DMD: variants seen among roughly 807,000 people sequenced by gnomAD.
DMD encodes the protein dystrophin.
In DMD, 63 loss-of-function variants were observed where a neutral mutation model predicts 330.1. The ratio of observed to expected loss-of-function variants is 0.19; its 90% confidence interval spans 0.16 to 0.24. The LOEUF (loss-of-function observed/expected upper bound fraction) is 0.24, where lower values mean the gene tolerates loss of function less well. Ranked by LOEUF, DMD falls within the 10% of genes least tolerant of loss-of-function variation. DMD has a pLI of 1.00. For missense variants in DMD, 3,344 were observed against 2,684.1 expected (o/e 1.25, Z -5.43); for synonymous variants, 1,223 against 959.8 (o/e 1.27, Z -5.07).
intron 15 of DMD, among the ~76,000 whole-genome samples, chrX:32,566,361 T>C (rs1193512079): frequency 8.9e-6 from 1 of 112,186 alleles, no homozygotes; most frequent in African/African-American, 3.2e-5. Flanking sequence ...TCTGAAATGC[T>C]GTGATTATTT....
intron 2 of DMD, among the ~76,000 whole-genome samples, chrX:32,943,278 A>G (rs752449487): frequency 1.1e-4 from 12 of 111,911 alleles, no homozygotes; most frequent in Middle Eastern, 4.8e-3. Context: ...ACAAATTTAT[A>G]TTCATTAATA....
At position 32,292,302 on chromosome X, in the gene DMD, C is replaced by CTTTTTTTTTTTTTTTTTTTTTTTT; in HGVS notation, c.6118-4602_6118-4601insAAAAAAAAAAAAAAAAAAAAAAAA. Among the ~76,000 whole-genome samples the CTTTTTTTTTTTTTTTTTTTTTTTT allele has an allele frequency of 1.8e-3, 112 of 62,910 alleles. 27 individuals carry two copies. Among genetic ancestry groups the CTTTTTTTTTTTTTTTTTTTTTTTT allele is most frequent in the East Asian group, 5.5e-3 (8 of 1,466 alleles). 54.6% of individuals were successfully genotyped at this position (62,910 alleles called of 115,157 possible). On this transcript the variant is annotated intron_variant, in intron 42 of 78. Coordinates refer to ENST00000357033, the MANE Select transcript of DMD (RefSeq NM_004006.3). ...AACAAATATCAACAAAGGGAATATTCTTTTTTTTTTTTTTTTGAGATGGAG... is the reference window on the plus strand; with the variant it reads ...AACAAATATCAACAAAGGGAATATTCTTTTTTTTTTTTTTTTTTTTTTTTTTTTTTTTTTTTTTTTGAGATGGAG...
At chrX:32,710,138 A>T (rs1357094906) in intron 7 of DMD, among the ~76,000 whole-genome samples, 1 of 109,415 alleles carries the variant, frequency 9.1e-6, no homozygotes, top group African/African-American at 3.5e-5. Context: ...ATCAAGTATC[A>T]ATTATATACA....
At chrX:33,034,276 G>A (rs1369283354) in intron 1 of DMD, among the ~76,000 whole-genome samples, 1 of 111,383 alleles carries the variant, frequency 9.0e-6, no homozygotes, top group East Asian at 2.8e-4. Context: ...GAAGACATTC[G>A]AATTTTCTAA....
At position 32,472,277 on chromosome X, in the gene DMD, C is replaced by T; in HGVS notation, c.2836G>A (p.Glu946Lys). ...CATGTCCTGATGGCACTCATGGTCT[C>T]CTGATAGCGCATTGGTGGCAAAGTG... Reference protein sequence around the residue: ...FDTLPPMRYQETMSAIRTWVQ... With the variant: ...FDTLPPMRYQKTMSAIRTWVQ... The change falls in exon 22 of 79, where the codon GAG becomes AAG. Residue 946 changes from glutamate (E) to lysine (K), a missense_variant. Glu to Lys is a moderately conservative substitution (Grantham distance 56). Coordinates refer to ENST00000357033, the MANE Select transcript of DMD (RefSeq NM_004006.3). 1 of 1,210,701 alleles carries T rather than the reference C, an allele frequency of 8.3e-7. No individual in the cohort carries two copies. Among genetic ancestry groups the T allele is most frequent in the Non-Finnish European group, 1.1e-6 (1 of 895,099 alleles).
At chrX:32,826,953 C>A (rs767796737) in intron 4 of DMD, among the ~76,000 whole-genome samples, 46 of 108,770 alleles carry the variant, frequency 4.2e-4, no homozygotes, top group Non-Finnish European at 8.0e-4. Context: ...ATGGTATATA[C>A]AATTTTTTTT....
At chrX:32,436,064 G>T (rs956960604) in intron 29 of DMD, among the ~76,000 whole-genome samples, 3 of 111,812 alleles carry the variant, frequency 2.7e-5, no homozygotes, top group Non-Finnish European at 5.6e-5. Flanking sequence ...ACTAGCTTCA[G>T]CTCACTGGCT....
At chrX:32,835,921 A>T (rs896323229) in intron 4 of DMD, among the ~76,000 whole-genome samples, 2 of 111,549 alleles carry the variant, frequency 1.8e-5, no homozygotes, top group African/African-American at 6.5e-5. Context: ...TGATTTTTTT[A>T]AACCAGGGTT....
chrX:31,541,518 G>A (rs1012276576), intron 55 of DMD, among the ~76,000 whole-genome samples: 46 of 90,761 alleles, frequency 5.1e-4, no homozygotes, highest in African/African-American at 1.8e-3. Flanking sequence ...GCCCTGGTGT[G>A]TGATGTTCCC....
rs530910650 is a variant in DMD at position 31,802,311 on chromosome X, G to A, written c.7309+17664C>T. ...AGAAGAAATGAATGAGGAGAGATTA[G>A]GTTTGGATGACAGTATTATTTAACC... On this transcript the variant is annotated intron_variant, in intron 50 of 78. Coordinates refer to ENST00000357033, the MANE Select transcript of DMD (RefSeq NM_004006.3). Among the ~76,000 whole-genome samples the A allele has an allele frequency of 2.7e-5, 3 of 111,022 alleles. No homozygotes were observed. The South Asian group carries it at 1.2e-3, about 43-fold the overall frequency.
At chrX:31,894,156 C>A (rs1456146065) in intron 47 of DMD, among the ~76,000 whole-genome samples, 1 of 112,113 alleles carries the variant, frequency 8.9e-6, no homozygotes, top group Non-Finnish European at 1.9e-5. Context: ...TTCTTCACAG[C>A]AAGATAATGA....
chrX:31,494,036 A>C (rs771118763), intron 57 of DMD, among the ~76,000 whole-genome samples: 1 of 108,589 alleles, frequency 9.2e-6, no homozygotes, highest in East Asian at 2.9e-4. Flanking sequence ...GCGTGCCTGT[A>C]GTCCCAGCTA....
chrX:33,169,569 A>G (rs775819926), intron 1 of DMD, among the ~76,000 whole-genome samples: 4 of 111,959 alleles, frequency 3.6e-5, no homozygotes, highest in Non-Finnish European at 7.6e-5. Context: ...TAAATTTTGA[A>G]TTAATGTTCT....
chrX:32,740,222 C>T (rs12007891), intron 7 of DMD, among the ~76,000 whole-genome samples: 3 of 110,323 alleles, frequency 2.7e-5, no homozygotes, highest in South Asian at 3.8e-4. Flanking sequence ...AGTTGAGACG[C>T]CTACCAATCT....
chrX:32,332,413 A>AGTGTGTGTGTAT (rs369907208), intron 41 of DMD, among the ~76,000 whole-genome samples: 8 of 95,342 alleles, frequency 8.4e-5, no homozygotes, highest in African/African-American at 2.7e-4. Context: ...ATGGATAAAA[A>AGTGTGTGTGTAT]GTGTGTGTGT....
At chrX:32,519,049 G>T (rs1349396681) in intron 17 of DMD, among the ~76,000 whole-genome samples, 2 of 89,017 alleles carry the variant, frequency 2.2e-5, no homozygotes, top group Non-Finnish European at 4.3e-5. Context: ...GAGCCACCAG[G>T]GATAAATTAT....
chrX:31,615,648 C>T (rs976414468), intron 55 of DMD, among the ~76,000 whole-genome samples: 6 of 111,798 alleles, frequency 5.4e-5, no homozygotes, highest in Admixed American at 4.8e-4. Flanking sequence ...TCAATATGAA[C>T]GCTTAAGAAC....
intron 43 of DMD, among the ~76,000 whole-genome samples, chrX:32,265,091 T>C (rs915828576): frequency 8.9e-6 from 1 of 112,300 alleles, no homozygotes; most frequent in African/African-American, 3.2e-5. Flanking sequence ...CTCCAGGAAA[T>C]GCCAGAAGTT....
rs183924131 is a variant in DMD at position 32,083,157 on chromosome X, A to T, written c.6439-114643T>A. Among the ~76,000 whole-genome samples, 592 of 112,484 alleles carry T rather than the reference A, an allele frequency of 5.3e-3. 4 individuals are homozygous for T. The highest frequency in any genetic ancestry group is 6.4e-3 in the Non-Finnish European group (340 of 53,264). On this transcript the variant is annotated intron_variant, in intron 44 of 78. Transcript: ENST00000357033. The stretch of plus-strand genomic sequence containing the variant: ...TAAATAACATTTCAAGAAGTCCTGC[A>T]TAACTCCTTTCTATTATTTTATGAA...
Sources: gnomAD v4.1 joint callset for allele counts (sites outside exome capture counted in the v4.1 genomes callset) on GRCh38, gnomAD v4.1.1 for gene constraint, MANE v1.5 for transcripts, NCBI Gene and HGNC (gene_info 2026-07-23, HGNC 2026-07-21) for gene names.